PLA2G6: variants seen among roughly 807,000 people sequenced by gnomAD.
The protein encoded by PLA2G6 is phospholipase A2 group VI.
Under a neutral mutation model 83.8 loss-of-function variants are expected in PLA2G6, and 62 were observed. The observed-to-expected ratio is 0.74, with a 90% CI of 0.60 to 0.91. The LOEUF is 0.91. Ranked by LOEUF, PLA2G6 falls within the 40% of genes least tolerant of loss-of-function variation. PLA2G6 has a pLI of 0.00. For missense variants in PLA2G6, 944 were observed against 1,102.0 expected (o/e 0.86, Z 2.03); for synonymous variants, 417 against 449.8 (o/e 0.93, Z 0.92).
At position 38,135,098 on chromosome 22, in the gene PLA2G6, G is replaced by C. The variant is rs376084883; in HGVS notation, c.798-14C>G. On this transcript the variant is annotated splice_polypyrimidine_tract_variant and intron_variant, in intron 5 of 16. Transcript: ENST00000332509. ...ATCTCCGCACACCTGGTGAGAGAGG[G>C]GCCCCGGTTGGTGAGCAGAAGCTAG... The C allele has an allele frequency of 1.2e-6, 2 of 1,602,600 alleles. No individual in the cohort carries two copies. The highest frequency in any genetic ancestry group is 1.7e-6 in the Non-Finnish European group (2 of 1,169,880).
In PLA2G6 at chr22:38,120,552, C is replaced by T. The variant is rs554203982; in HGVS notation, c.1742+207G>A. On this transcript the variant is annotated intron_variant, in intron 12 of 16. Transcript: ENST00000332509. ...GGGCAGAGCCAGGCCCACCAGGCCA[C>T]GCCCCTCCTGCGCTCAGCAGGTGTC... is the stretch of plus-strand genomic sequence containing the variant. 2.0e-5 allele frequency among the ~76,000 whole-genome samples: 3 copies of T among 151,828 alleles called. No individual in the cohort carries two copies. In the East Asian group the frequency reaches 5.8e-4, roughly 29 times the overall value.
At chr22:38,162,221 AAG>A (rs1556155982) in intron 2 of PLA2G6, among the ~76,000 whole-genome samples, 84 of 149,360 alleles carry the variant, frequency 5.6e-4, no homozygotes, top group African/African-American at 2.0e-3. Context: ...AAAAAAAAAA[AAG>A]AAAAAAAAAA....
intron 2 of PLA2G6, among the ~76,000 whole-genome samples, chr22:38,153,313 G>A (rs1170798709): frequency 6.6e-6 from 1 of 152,138 alleles, no homozygotes; most frequent in Non-Finnish European, 1.5e-5. Context: ...CGCCCCGTCT[G>A]GCAAGTGAGG....
chr22:38,114,835 G>A (rs893427115), intron 14 of PLA2G6, among the ~76,000 whole-genome samples: 29 of 152,094 alleles, frequency 1.9e-4, no homozygotes, highest in Admixed American at 6.5e-4. Context: ...CCAGGCAGGC[G>A]CTATGATGGC....
intron 14 of PLA2G6, chr22:38,113,887 C>T: frequency 1.5e-6 from 1 of 650,588 alleles, no homozygotes; most frequent in Non-Finnish European, 2.9e-6. Flanking sequence ...ATCTGTGTAC[C>T]AACAGGACCA....
chr22:38,120,843 C>A lies in PLA2G6; in HGVS notation c.1658G>T (p.Arg553Met). 1 of 1,613,950 alleles carries A rather than the reference C, an allele frequency of 6.2e-7. No homozygotes were observed. Among genetic ancestry groups the A allele is most frequent in the Non-Finnish European group, 8.5e-7 (1 of 1,180,030 alleles). ...RMKDEVFRGS[R>M]PYESGPLEEF... is the part of the protein sequence containing the mutation. The stretch of plus-strand genomic sequence containing the variant: ...CTCCAGGGGCCCCGACTCGTAGGGC[C>A]TGGAGCCCCGGAACACCTCATCCTT... Residue 553 changes from arginine (R) to methionine (M), a missense_variant, in exon 12 of 17, where the codon AGG (arginine) becomes ATG (methionine). Coordinates refer to ENST00000332509, the MANE Select transcript of PLA2G6 (RefSeq NM_003560.4).
At position 38,152,126 on chromosome 22, in the gene PLA2G6, C is replaced by T. The variant is rs538532434; in HGVS notation, c.210-6473G>A. 7.9e-5 allele frequency among the ~76,000 whole-genome samples: 12 copies of T among 152,184 alleles called. 1 individual carries two copies. Among genetic ancestry groups the T allele is most frequent in the African/African-American group, 2.9e-4 (12 of 41,506 alleles). On this transcript the variant is annotated intron_variant, in intron 2 of 16. Transcript: ENST00000332509. Reference sequence around the variant, plus strand: ...GGTGTTTGGGTCATAGGGGTGGATCCCTCATGAATGAATGCCCTCCCTGTG... The same window carrying T: ...GGTGTTTGGGTCATAGGGGTGGATCTCTCATGAATGAATGCCCTCCCTGTG...
At chr22:38,169,557 C>CAG in intron 1 of PLA2G6, 86 bp from the exon 2 acceptor site, 1 of 747,110 alleles carries the variant, frequency 1.3e-6, no homozygotes, top group Non-Finnish European at 2.3e-6. Context: ...CACAGACACC[C>CAG]AGATCACTCC....
intron 11 of PLA2G6, chr22:38,121,165 G>A: frequency 2.3e-6 from 1 of 432,434 alleles, no homozygotes; most frequent in Non-Finnish European, 4.3e-6. Context: ...ATCACTTGAG[G>A]TCAGGAGTTT....
chr22:38,128,761 C>T lies in PLA2G6; in HGVS notation c.1187-331G>A, dbSNP rs538815347. ...CCACATTCAGTGATTCTCAAAAATGCTAAGTGATAGTTCAGGGTTCCAAAG... is the reference window on the plus strand; with the variant it reads ...CCACATTCAGTGATTCTCAAAAATGTTAAGTGATAGTTCAGGGTTCCAAAG... On this transcript the variant is annotated intron_variant, in intron 8 of 16. Coordinates refer to ENST00000332509, the MANE Select transcript of PLA2G6 (RefSeq NM_003560.4). This position sits in a 1 kb window ranked among gnomAD's most constrained non-coding sequence, Gnocchi z 4.4. Among the ~76,000 whole-genome samples, 8 of 152,364 alleles carry T rather than the reference C, an allele frequency of 5.3e-5. No individual in the cohort carries two copies. The highest frequency in any genetic ancestry group is 1.9e-4 in the African/African-American group (8 of 41,594).
At chr22:38,115,276 G>T (rs1010327248) in intron 14 of PLA2G6, among the ~76,000 whole-genome samples, 3 of 152,180 alleles carry the variant, frequency 2.0e-5, no homozygotes, top group African/African-American at 7.2e-5. Context: ...TTCATGGTAT[G>T]CATGCCGCCC....
rs72620427 is a variant in PLA2G6 at position 38,139,727 on chromosome 22, G to A, written c.797+255C>T. On this transcript the variant is annotated intron_variant, in intron 5 of 16. Coordinates refer to ENST00000332509, the MANE Select transcript of PLA2G6 (RefSeq NM_003560.4). ...TGGGATTACAGGCGTGAGACACCGC[G>A]CCCAGCCAGAAAAATTTTAAAGTCT... 7.5e-3 allele frequency: 3,561 copies of A among 471,868 alleles called. 195 individuals are homozygous for A. The East Asian group carries it at 0.11, about 15-fold the overall frequency. The allele number at this position is 471,868 out of a possible 1,614,324, so 29.2% of individuals were successfully genotyped here.
intron 2 of PLA2G6, among the ~76,000 whole-genome samples, chr22:38,165,500 C>T (rs933668916): frequency 2.0e-5 from 3 of 152,148 alleles, no homozygotes; most frequent in Non-Finnish European, 4.4e-5. Flanking sequence ...GAGCACAAGG[C>T]GGCATGAGCT....
In PLA2G6 at chr22:38,112,008, G is replaced by T; in HGVS notation, c.*153C>A. 1.2e-6 allele frequency: 1 copy of T among 861,998 alleles called. No homozygotes were observed. Among genetic ancestry groups the T allele is most frequent in the Non-Finnish European group, 1.9e-6 (1 of 537,594 alleles). 53.4% of individuals were successfully genotyped at this position (861,998 alleles called of 1,614,324 possible). ...AGTGGGAGACAGGCCTTCAGGACCA[G>T]CCTCGGGCAGGCAGCTTGGCATTCT... is the stretch of plus-strand genomic sequence containing the variant. On this transcript the variant is annotated 3_prime_UTR_variant, in exon 17 of 17. Transcript: ENST00000332509.
chr22:38,120,821 C>CA lies in PLA2G6; in HGVS notation c.1679dup (p.Glu561GlyfsTer30). On this transcript the variant is annotated frameshift_variant, in exon 12 of 17. Coordinates refer to ENST00000332509, the MANE Select transcript of PLA2G6 (RefSeq NM_003560.4). LOFTEE classifies it high-confidence loss of function. ...CAAACTCCCGCTTCAGGAACTCCTC[C>CA]AGGGGCCCCGACTCGTAGGGCCTGG... The CA allele has an allele frequency of 6.2e-7, 1 of 1,613,962 alleles. No homozygotes were observed. The highest frequency in any genetic ancestry group is 8.5e-7 in the Non-Finnish European group (1 of 1,180,042).
In PLA2G6 at chr22:38,116,190, C is replaced by T; in HGVS notation, c.1764G>A (p.Leu588=). 2 of 1,614,098 alleles carry T rather than the reference C, an allele frequency of 1.2e-6. No homozygotes were observed. Among genetic ancestry groups the T allele is most frequent in the South Asian group, 2.2e-5 (2 of 91,086 alleles). The change falls in exon 13 of 17, where the codon CTG becomes CTA. Residue 588 remains leucine, a synonymous_variant. Transcript: ENST00000332509. ...GGAGTTCAGCCGGCTGCCGGTCAGA[C>T]AGTGTCCCTGTCAGCATCACCCTGG... is the stretch of plus-strand genomic sequence containing the variant. The part of the protein sequence containing the change: ...RKPKVMLTGT[L]SDRQPAELHL...
intron 13 of PLA2G6, 120 bp downstream of exon 13, chr22:38,115,955 G>T: frequency 1.4e-6 from 2 of 1,472,012 alleles, no homozygotes; most frequent in Non-Finnish European, 1.9e-6. Flanking sequence ...AAAGACCAGT[G>T]CAGCGGGTGG....
At chr22:38,147,399 G>A (rs895700393) in intron 2 of PLA2G6, 2 of 169,440 alleles carry the variant, frequency 1.2e-5, no homozygotes, top group African/African-American at 4.8e-5. Flanking sequence ...AGTGCCCAGA[G>A]AGTGTTGGCT....
chr22:38,120,902 G>A lies in PLA2G6; in HGVS notation c.1599C>T (p.Ser533=), dbSNP rs1175805687. ...AGTACATGCCGCGCATGTAGGCCATGGACTTACCTAGGAACAAAGGGGTCA... is the reference window on the plus strand; with the variant it reads ...AGTACATGCCGCGCATGTAGGCCATAGACTTACCTAGGAACAAAGGGGTCA... ...ILALAILHSK[S]MAYMRGMYFR... Residue 533 remains serine (S), a synonymous_variant, in exon 12 of 17, where the codon TCC becomes TCT. Transcript: ENST00000332509. The A allele has an allele frequency of 6.2e-7, 1 of 1,613,548 alleles. No homozygotes were observed. Among genetic ancestry groups the A allele is most frequent in the East Asian group, 2.2e-5 (1 of 44,878 alleles).
Sources: allele counts gnomAD v4.1 joint callset (sites outside exome capture counted in the v4.1 genomes callset), GRCh38; gene constraint gnomAD v4.1.1; non-coding constraint Gnocchi (gnomAD v3.1); transcripts MANE v1.5; gene names NCBI Gene and HGNC (gene_info 2026-07-23, HGNC 2026-07-21).